Variants in UBE4A observed in about 807,000 individuals in gnomAD.
UBE4A encodes the protein ubiquitin conjugation factor E4 A.
UBE4A carries 48 observed loss-of-function variants against 117.9 expected under a neutral mutation model. That is an observed-to-expected ratio of 0.41 (90% CI 0.32 to 0.52). The LOEUF is 0.52. Ranked by LOEUF, UBE4A falls within the 20% of genes least tolerant of loss-of-function variation. The pLI is 0.33. For synonymous variants in UBE4A, 407 were observed against 450.0 expected (o/e 0.90, Z 1.21); for missense variants, 1,067 against 1,296.3 (o/e 0.82, Z 2.72).
intron 18 of UBE4A, among the ~76,000 whole-genome samples, chr11:118,391,341 T>C (rs1555128422): frequency 6.6e-6 from 1 of 151,632 alleles, no homozygotes; most frequent in African/African-American, 2.4e-5. Flanking sequence ...ATACAAAAAT[T>C]AGCTGGGTGT....
At chr11:118,369,275 T>G in intron 3 of UBE4A, 148 bp from the exon 4 acceptor site, 4 of 619,582 alleles carry the variant, frequency 6.5e-6, no homozygotes, top group Non-Finnish European at 1.1e-5. Flanking sequence ...AAAAAAGATT[T>G]GAATCTTTAG....
At chr11:118,381,692 T>G (rs1207510827) in intron 12 of UBE4A, among the ~76,000 whole-genome samples, 169 bp downstream of exon 12, 1 of 152,184 alleles carries the variant, frequency 6.6e-6, no homozygotes, top group Non-Finnish European at 1.5e-5. Flanking sequence ...ATCCCACTGT[T>G]GAGAGGTATA....
chr11:118,392,396 T>C (rs1555128707), intron 18 of UBE4A, among the ~76,000 whole-genome samples: 1 of 152,234 alleles, frequency 6.6e-6, no homozygotes, highest in Admixed American at 6.5e-5. Context: ...TTCTCCCTTC[T>C]CCATCCACTT....
Position 118,382,680 on chromosome 11 carries a change from A to AGTGTGTTCCACCGGAAAC in UBE4A, c.2110_2127dup (p.His704_Phe709dup). 6.2e-7 allele frequency: 1 copy of AGTGTGTTCCACCGGAAAC among 1,606,218 alleles called. No homozygotes were observed. Among genetic ancestry groups the AGTGTGTTCCACCGGAAAC allele is most frequent in the East Asian group, 2.2e-5 (1 of 44,538 alleles). Reference sequence around the variant, plus strand: ...TCAGACCCCAAATCCCTTGGTATCCAGTGTGTTCCACCGGAAACGTGTGTT... The same window carrying AGTGTGTTCCACCGGAAAC: ...TCAGACCCCAAATCCCTTGGTATCCAGTGTGTTCCACCGGAAACGTGTGTTCCACCGGAAACGTGTGTT... On this transcript the variant is annotated inframe_insertion, in exon 13 of 20. Coordinates refer to ENST00000252108, the MANE Select transcript of UBE4A (RefSeq NM_001204077.2).
Position 118,376,729 on chromosome 11 carries a change from T to C in UBE4A, c.1571+35T>C, listed in dbSNP as rs1555125438. ...CTGATGTCATTAGGAAAAAACAGTT[T>C]AGTTGTGTTGATAACTAGAAGGTAG... is the stretch of plus-strand genomic sequence containing the variant. On this transcript the variant is annotated intron_variant, in intron 10 of 19. Coordinates refer to ENST00000252108, the MANE Select transcript of UBE4A (RefSeq NM_001204077.2). The C allele has an allele frequency of 3.1e-6, 5 of 1,606,978 alleles. No homozygotes were observed. The African/African-American group carries it at 4.0e-5, about 13-fold the overall frequency.
intron 19 of UBE4A, among the ~76,000 whole-genome samples, chr11:118,393,371 C>T (rs1191952784): frequency 6.6e-6 from 1 of 152,116 alleles, no homozygotes; most frequent in Non-Finnish European, 1.5e-5. Context: ...GAGCCGAGAT[C>T]GCACCACTGC....
Position 118,379,640 on chromosome 11 carries a change from T to A in UBE4A, c.1766T>A (p.Val589Glu). Residue 589 changes from valine (V) to glutamate (E), a missense_variant, in exon 11 of 20, where the codon GTG becomes GAG. By Grantham distance (121) the Val-to-Glu change is moderately radical (BLOSUM62 -2). Around this residue, in one of 3 missense-constraint regions of UBE4A, gnomAD observed 1,001 missense variants for 1,184.0 expected, o/e 0.85. Coordinates refer to ENST00000252108, the MANE Select transcript of UBE4A (RefSeq NM_001204077.2). Reference sequence around the variant, plus strand: ...CTACAAAACTGCCTAAACTTGCAGGTGTCCATGGCTGTTCTACTGGTTCAA... The same window carrying A: ...CTACAAAACTGCCTAAACTTGCAGGAGTCCATGGCTGTTCTACTGGTTCAA... The part of the protein sequence containing the change: ...QMLQNCLNLQ[V>E]SMAVLLVQLA... 1 of 1,614,222 alleles carries A rather than the reference T, an allele frequency of 6.2e-7. No individual in the cohort carries two copies. Among genetic ancestry groups the A allele is most frequent in the Non-Finnish European group, 8.5e-7 (1 of 1,180,034 alleles).
In UBE4A at chr11:118,398,684, A is replaced by C. The variant is rs1948897703; in HGVS notation, c.*2244A>C. 6.5e-6 allele frequency: 1 copy of C among 154,398 alleles called. No homozygotes were observed. The highest frequency in any genetic ancestry group is 6.4e-5 in the Admixed American group (1 of 15,552). 9.6% of individuals were successfully genotyped at this position (154,398 alleles called of 1,614,324 possible). ...TGTGTATTGGCTTTGCTGGAGTATG[A>C]TAGCAAAATGAAGACTCTTTTACTC... On this transcript the variant is annotated 3_prime_UTR_variant, in exon 20 of 20. Transcript: ENST00000252108.
intron 13 of UBE4A, among the ~76,000 whole-genome samples, chr11:118,383,008 T>A (rs1948720116): frequency 6.6e-6 from 1 of 152,102 alleles, no homozygotes; most frequent in Non-Finnish European, 1.5e-5. Flanking sequence ...TATTTTTTAA[T>A]TATTCTTGTT....
At chr11:118,380,116 AGTGTGTGTGTGTGTGTGCGT>A (rs1417701765) in intron 11 of UBE4A, among the ~76,000 whole-genome samples, 2 of 142,592 alleles carry the variant, frequency 1.4e-5, no homozygotes, top group Non-Finnish European at 1.5e-5. Flanking sequence ...GAAGGGAAAG[AGTGTGTGTGTGTGTGTGCGT>A]GTGTGTGTGT....
chr11:118,365,247 G>A, intron 2 of UBE4A, 46 bp downstream of exon 2: 3 of 1,479,094 alleles, frequency 2.0e-6, no homozygotes, highest in Non-Finnish European at 2.7e-6. Flanking sequence ...CCTAGAATGG[G>A]GTCTTCCCAA....
intron 3 of UBE4A, among the ~76,000 whole-genome samples, chr11:118,369,158 G>A (rs1259618961): frequency 1.3e-5 from 2 of 152,184 alleles, no homozygotes; most frequent in Non-Finnish European, 2.9e-5. Flanking sequence ...TCTGTGCCCT[G>A]TCTGTGTTTA....
chr11:118,377,680 A>G (rs1049127946), intron 10 of UBE4A, among the ~76,000 whole-genome samples: 1 of 151,854 alleles, frequency 6.6e-6, no homozygotes, highest in East Asian at 2.0e-4. Context: ...TGGGAGGCCG[A>G]GGCAGGCAGA....
Position 118,396,503 on chromosome 11 carries a change from T to G in UBE4A, c.*63T>G. 2.5e-4 allele frequency: 385 copies of G among 1,552,486 alleles called. No homozygotes were observed. Among genetic ancestry groups the G allele is most frequent in the Middle Eastern group, 3.4e-4 (2 of 5,912 alleles). On this transcript the variant is annotated 3_prime_UTR_variant, in exon 20 of 20. Transcript: ENST00000252108. Reference sequence around the variant, plus strand: ...TGCAGATAAACAATTGTTTGTGGTTTCTCTCTTTCTGGTTCTGTTCCTTTT... The same window carrying G: ...TGCAGATAAACAATTGTTTGTGGTTGCTCTCTTTCTGGTTCTGTTCCTTTT...
intron 18 of UBE4A, among the ~76,000 whole-genome samples, chr11:118,391,914 G>A (rs532229740): frequency 1.6e-4 from 25 of 152,118 alleles, no homozygotes; most frequent in African/African-American, 5.5e-4. Flanking sequence ...TTAAAAGCTA[G>A]GGTGTTAATG....
chr11:118,384,797 A>G (rs371380961), intron 14 of UBE4A, 35 bp from the exon 15 acceptor site: 1 of 1,611,680 alleles, frequency 6.2e-7, no homozygotes, highest in Non-Finnish European at 8.5e-7. Flanking sequence ...GTAATTCAGT[A>G]CTAAAATGGT....
At chr11:118,382,843 C>G in intron 13 of UBE4A, 67 bp downstream of exon 13, 1 of 1,390,238 alleles carries the variant, frequency 7.2e-7, no homozygotes, top group Non-Finnish European at 9.5e-7. Context: ...ATAGTTTGAT[C>G]CGTATTTGGA....
chr11:118,389,011 T>TGG (rs1555127737), intron 16 of UBE4A, among the ~76,000 whole-genome samples: 1 of 152,038 alleles, frequency 6.6e-6, no homozygotes, highest in African/African-American at 2.4e-5. Flanking sequence ...GTAAAACAGC[T>TGG]GGGCACAGTG....
rs75367587 is a variant in UBE4A at position 118,380,007 on chromosome 11, C to T, written c.1876+257C>T. ...TTAAGTGTAATCAGAGTTTTCAGAG[C>T]TGTTAGTTTCTATCATTAATATTTG... On this transcript the variant is annotated intron_variant, in intron 11 of 19. Coordinates refer to ENST00000252108, the MANE Select transcript of UBE4A (RefSeq NM_001204077.2). Among the ~76,000 whole-genome samples, 1,450 of 152,178 alleles carry T rather than the reference C, an allele frequency of 9.5e-3. 22 individuals are homozygous for T. Among genetic ancestry groups the T allele is most frequent in the African/African-American group, 0.033 (1,383 of 41,518 alleles).
Sources: gnomAD v4.1 joint callset for allele counts (sites outside exome capture counted in the v4.1 genomes callset) on GRCh38, gnomAD v4.1.1 for gene constraint, gnomAD v4.1.1 regional missense constraint, MANE v1.5 for transcripts, NCBI Gene and HGNC (gene_info 2026-07-23, HGNC 2026-07-21) for gene names.